The following VPS39 variants were observed in gnomAD, a reference collection of about 807,000 sequenced individuals.
The protein encoded by VPS39 is VPS39 subunit of HOPS complex, also known as vam6/Vps39-like protein.
A neutral mutation model predicts 121.0 loss-of-function variants in VPS39; 70 were observed. The ratio of observed to expected loss-of-function variants is 0.58; its 90% CI spans 0.48 to 0.71. The LOEUF is 0.71. Ranked by LOEUF, VPS39 falls within the 30% of genes least tolerant of loss-of-function variation. The pLI is 0.00. For missense variants in VPS39, 818 were observed against 1,051.5 expected (o/e 0.78, Z 3.07); for synonymous variants, 378 against 398.1 (o/e 0.95, Z 0.60).
chr15:42,172,363 G>A (rs907828719), intron 11 of VPS39, among the ~76,000 whole-genome samples: 1 of 152,182 alleles, frequency 6.6e-6, no homozygotes, highest in Non-Finnish European at 1.5e-5. Context: ...GAGCCAGCTT[G>A]GAAGTGGATC....
intron 11 of VPS39, 148 bp downstream of exon 11, chr15:42,173,575 C>A: frequency 4.0e-6 from 4 of 999,402 alleles, no homozygotes; most frequent in Non-Finnish European, 5.8e-6. Flanking sequence ...CCACTGTGGT[C>A]ACCCCACAGG....
At chr15:42,189,009 G>C in intron 5 of VPS39, 105 bp downstream of exon 5, 1 of 817,948 alleles carries the variant, frequency 1.2e-6, no homozygotes, top group Non-Finnish European at 2.1e-6. Flanking sequence ...GTCTCTGTTG[G>C]GTATGGATCA....
intron 1 of VPS39, among the ~76,000 whole-genome samples, chr15:42,204,687 T>TAAAA (rs1341534685): frequency 1.3e-5 from 2 of 151,492 alleles, no homozygotes; most frequent in East Asian, 1.9e-4. Context: ...TAAAATAAAA[T>TAAAA]TAAATTAAAT....
At chr15:42,162,286 G>A (rs1375197990) in intron 22 of VPS39, 46 bp downstream of exon 22, 14 of 1,596,420 alleles carry the variant, frequency 8.8e-6, no homozygotes, top group Non-Finnish European at 1.1e-5. Context: ...TTCTCATTCG[G>A]TGCTCCCTGC....
chr15:42,166,028 C>T, intron 16 of VPS39, 131 bp downstream of exon 16: 1 of 1,075,174 alleles, frequency 9.3e-7, no homozygotes, highest in East Asian at 2.4e-5. Flanking sequence ...TCGCGCTTCC[C>T]AGTCCACCCT....
At chr15:42,198,683 G>A (rs942231544) in intron 2 of VPS39, among the ~76,000 whole-genome samples, 2 of 152,160 alleles carry the variant, frequency 1.3e-5, no homozygotes, top group African/African-American at 4.8e-5. Context: ...GATCAACAAT[G>A]TACTGCTCCA....
chr15:42,198,620 C>A (rs754286389), intron 2 of VPS39, among the ~76,000 whole-genome samples: 1 of 152,192 alleles, frequency 6.6e-6, no homozygotes, highest in Non-Finnish European at 1.5e-5. Flanking sequence ...GGATTATAGG[C>A]ATGAGCCACT....
At chr15:42,186,743 G>C (rs1416902951) in intron 7 of VPS39, among the ~76,000 whole-genome samples, 1 of 152,152 alleles carries the variant, frequency 6.6e-6, no homozygotes, top group Non-Finnish European at 1.5e-5. Flanking sequence ...TTTCTGAGTG[G>C]GGGGACTATG....
In VPS39 at chr15:42,187,761, C is replaced by T. The variant is rs1322873415; in HGVS notation, c.438G>A (p.Leu146=). The T allele has an allele frequency of 1.9e-6, 3 of 1,614,050 alleles. No individual in the cohort carries two copies. The highest frequency in any genetic ancestry group is 2.5e-6 in the Non-Finnish European group (3 of 1,180,016). ...GACCAAGGAACAGTGGACTTACCTG[C>T]AATTCATGAAATTCCCTGTCCTTCC... The part of the protein sequence containing the change: ...YFWKDREFHE[L]QGDFSVPDVP... Residue 146 remains leucine, a synonymous_variant, in exon 6 of 25, where the codon TTG becomes TTA. Transcript: ENST00000318006.
intron 1 of VPS39, among the ~76,000 whole-genome samples, chr15:42,201,392 G>C (rs2050065214): frequency 1.3e-5 from 2 of 152,116 alleles, no homozygotes; most frequent in South Asian, 4.1e-4. Context: ...TGCCCAATCT[G>C]GTCTCCAACT....
Position 42,160,655 on chromosome 15 carries a change from C to T in VPS39, c.*99G>A. On this transcript the variant is annotated 3_prime_UTR_variant, in exon 25 of 25. Coordinates refer to ENST00000318006, the MANE Select transcript of VPS39 (RefSeq NM_015289.5). ...TAGCCAGTAATGTCCAAATGGGGAG[C>T]CTTGTGGTGGTGGCAGCCAGGATTC... is the stretch of plus-strand genomic sequence containing the variant. 3 of 1,041,410 alleles carry T rather than the reference C, an allele frequency of 2.9e-6. No homozygotes were observed. The highest frequency in any genetic ancestry group is 3.0e-6 in the Non-Finnish European group (2 of 661,434). The allele number at this position is 1,041,410 out of a possible 1,614,324, so 64.5% of individuals were successfully genotyped here. A position where few individuals can be genotyped will look rare whatever the true frequency, so the allele number is the denominator to read the frequency against.
intron 1 of VPS39, among the ~76,000 whole-genome samples, chr15:42,206,104 TG>T (rs2050165785): frequency 6.6e-6 from 1 of 152,184 alleles, no homozygotes; most frequent in African/African-American, 2.4e-5. Context: ...TATACAACTT[TG>T]GAGTTTAGAA....
At chr15:42,196,843 T>C (rs1429097383) in intron 2 of VPS39, among the ~76,000 whole-genome samples, 1 of 152,160 alleles carries the variant, frequency 6.6e-6, no homozygotes, top group Non-Finnish European at 1.5e-5. Context: ...CAAAGGATTA[T>C]AGATCATGCT....
chr15:42,162,574 T>A, intron 21 of VPS39, 93 bp from the exon 22 acceptor site: 1 of 1,405,592 alleles, frequency 7.1e-7, no homozygotes, highest in African/African-American at 1.4e-5. Context: ...GGGGCTCGCC[T>A]ACAGTAACAG....
intron 2 of VPS39, among the ~76,000 whole-genome samples, chr15:42,197,754 C>T (rs923919507): frequency 6.6e-6 from 1 of 152,150 alleles, no homozygotes; most frequent in Admixed American, 6.5e-5. Flanking sequence ...TACCCCTAGT[C>T]TTTTCTTGAC....
In VPS39 at chr15:42,169,062, G is replaced by T. The variant is rs950290714; in HGVS notation, c.1233+662C>A. Among the ~76,000 whole-genome samples, 60 of 152,134 alleles carry T rather than the reference G, an allele frequency of 3.9e-4. 1 individual carries two copies. Among genetic ancestry groups the T allele is most frequent in the African/African-American group, 1.4e-3 (60 of 41,446 alleles). On this transcript the variant is annotated intron_variant, in intron 12 of 24. Coordinates refer to ENST00000318006, the MANE Select transcript of VPS39 (RefSeq NM_015289.5). ...TTAAAAAATGTATCTGTCTATAACA[G>T]TAAATCATAAAAAATTTTAAATCTA...
intron 8 of VPS39, among the ~76,000 whole-genome samples, chr15:42,182,183 T>A (rs2049595059): frequency 6.6e-6 from 1 of 152,244 alleles, no homozygotes; most frequent in Non-Finnish European, 1.5e-5. Context: ...CTGATATTTT[T>A]CATCTTACCA....
Position 42,208,095 on chromosome 15 carries a change from C to CA in VPS39, c.58dup (p.Cys20LeufsTer22). ...CCTCGGCTCACCCCAGGCAGCCAGA[C>CA]AGTCGATTTGCAGAGGCAGCTTTTC... On this transcript the variant is annotated frameshift_variant, in exon 1 of 25. Coordinates refer to ENST00000318006, the MANE Select transcript of VPS39 (RefSeq NM_015289.5). LOFTEE classifies it high-confidence loss of function. 6.3e-7 allele frequency: 1 copy of CA among 1,586,644 alleles called. No individual in the cohort carries two copies. Among genetic ancestry groups the CA allele is most frequent in the African/African-American group, 1.3e-5 (1 of 74,512 alleles).
chr15:42,176,254 A>T (rs56281534), intron 10 of VPS39, among the ~76,000 whole-genome samples: 4,808 of 152,224 alleles, frequency 0.032, 256 homozygotes, highest in African/African-American at 0.11. Flanking sequence ...AAATAGACTA[A>T]AGAGTTTCAT....
Sources: gnomAD v4.1 joint callset for allele counts (sites outside exome capture counted in the v4.1 genomes callset) on GRCh38, gnomAD v4.1.1 for gene constraint, MANE v1.5 for transcripts, NCBI Gene and HGNC (gene_info 2026-07-23, HGNC 2026-07-21) for gene names.